The following AP4B1 variants were observed in gnomAD, a reference collection of about 807,000 sequenced individuals.
AP4B1 encodes adaptor related protein complex 4 subunit beta 1.
A neutral mutation model predicts 76.5 loss-of-function variants in AP4B1; 49 were observed. The ratio of observed to expected loss-of-function variants is 0.64; its 90% confidence interval spans 0.51 to 0.81. The LOEUF (loss-of-function observed/expected upper bound fraction) is 0.81, where lower values mean the gene tolerates loss of function less well. Among genes scored for constraint, AP4B1 ranks in the 40% least tolerant of loss-of-function variants. The pLI is 0.00. For missense variants in AP4B1, 911 were observed against 904.9 expected (o/e 1.01, Z -0.09); for synonymous variants, 330 against 333.3 (o/e 0.99, Z 0.11).
chr1:113,903,245 T>C lies in AP4B1; in HGVS notation c.114-383A>G, dbSNP rs192332220. ...CACGCCCAGCTAATTTTTGTATTTT[T>C]AGTAGAGACGGGGTTTCTCCATGTT... is the stretch of plus-strand genomic sequence containing the variant. On this transcript the variant is annotated intron_variant, in intron 1 of 9. Coordinates refer to ENST00000369569, the MANE Select transcript of AP4B1 (RefSeq NM_001253852.3). Among the ~76,000 whole-genome samples, 974 of 152,324 alleles carry C rather than the reference T, an allele frequency of 6.4e-3. 11 individuals are homozygous for C. The highest frequency in any genetic ancestry group is 0.022 in the African/African-American group (919 of 41,572).
In AP4B1 at chr1:113,898,627, T is replaced by C. The variant is rs1253843692; in HGVS notation, c.1198+91A>G. 4.2e-6 allele frequency: 4 copies of C among 948,174 alleles called. No homozygotes were observed. The African/African-American group carries it at 6.4e-5, about 15-fold the overall frequency. The allele number at this position is 948,174 out of a possible 1,614,324, so 58.7% of individuals were successfully genotyped here. A position where few individuals can be genotyped will look rare whatever the true frequency, so the allele number is the denominator to read the frequency against. ...GCAAGGAAAAGTTCAAATCTCTATA[T>C]TACTCATTCAACAACAAACATGTTT... On this transcript the variant is annotated intron_variant, in intron 6 of 9. Coordinates refer to ENST00000369569, the MANE Select transcript of AP4B1 (RefSeq NM_001253852.3).
intron 7 of AP4B1, 82 bp downstream of exon 7, chr1:113,897,758 G>C: frequency 1.4e-6 from 2 of 1,452,006 alleles, no homozygotes; most frequent in East Asian, 2.3e-5. Flanking sequence ...ACAGGGTAGA[G>C]AGAATAATTA....
chr1:113,900,735 A>G (rs1426253540), intron 4 of AP4B1: 6 of 342,142 alleles, frequency 1.8e-5, no homozygotes, highest in South Asian at 3.5e-5. Context: ...TTCCCACAGT[A>G]TATTTCTATT....
intron 5 of AP4B1, 195 bp from the exon 6 acceptor site, chr1:113,898,996 C>T: frequency 2.9e-6 from 3 of 1,024,386 alleles, no homozygotes; most frequent in Non-Finnish European, 2.7e-6. Context: ...ATCATTTTTT[C>T]TCACTGACTA....
At chr1:113,901,681 C>T (rs1668283215) in intron 3 of AP4B1, 74 bp downstream of exon 3, 4 of 1,591,494 alleles carry the variant, frequency 2.5e-6, no homozygotes, top group Admixed American at 1.7e-5. Flanking sequence ...TATTTTCTAC[C>T]AAAGCCACAC....
rs559212401 is a variant in AP4B1, at chr1:113,901,692, A to G, written c.469+63T>C. 1.9e-6 allele frequency: 3 copies of G among 1,604,964 alleles called. No individual in the cohort carries two copies. In the East Asian group the frequency reaches 6.7e-5, roughly 36 times the overall value. On this transcript the variant is annotated intron_variant, in intron 3 of 9. Coordinates refer to ENST00000369569, the MANE Select transcript of AP4B1 (RefSeq NM_001253852.3). ...TTATTATTTTCTACCAAAGCCACAC[A>G]ATCTTTTTTAAAGTTATACATAATG...
intron 4 of AP4B1, chr1:113,900,648 G>C (rs998595083): frequency 1.8e-6 from 1 of 545,072 alleles, no homozygotes; most frequent in Admixed American, 3.5e-5. Context: ...AGCATACACT[G>C]GGTCCAGGTT....
At chr1:113,900,438 C>A (rs1405509468) in intron 4 of AP4B1, 38 bp from the exon 5 acceptor site, 1 of 1,611,052 alleles carries the variant, frequency 6.2e-7, no homozygotes, top group African/African-American at 1.3e-5. Flanking sequence ...ATTTTAGCAA[C>A]AAAATTAGGA....
rs1405003291 is a variant in AP4B1, at chr1:113,896,257, C to T, written c.1510+1G>A. The T allele has an allele frequency of 6.2e-7, 1 of 1,614,048 alleles. No individual in the cohort carries two copies. The highest frequency in any genetic ancestry group is 2.2e-5 in the East Asian group (1 of 44,896). ...ATACTATTTCCTTCTGAAAAACCCA[C>T]CTATGCAGTAATACAACAAACGTCC... On this transcript the variant is annotated splice_donor_variant, in intron 8 of 9. Transcript: ENST00000369569. LOFTEE classifies it high-confidence loss of function.
At chr1:113,896,237 A>G (rs1387645612) in intron 8 of AP4B1, 21 bp downstream of exon 8, 1 of 1,613,382 alleles carries the variant, frequency 6.2e-7, no homozygotes, top group Admixed American at 1.7e-5. Context: ...GGCAAATACT[A>G]TTTCCTTCTG....
chr1:113,895,632 T>G, intron 9 of AP4B1, 125 bp downstream of exon 9: 3 of 1,532,100 alleles, frequency 2.0e-6, no homozygotes, highest in Non-Finnish European at 2.7e-6. Context: ...ACCTCTTTCT[T>G]GCTCACAAAT....
intron 5 of AP4B1, 24 bp downstream of exon 5, chr1:113,899,877 CAAG>C: frequency 1.2e-6 from 2 of 1,614,062 alleles, no homozygotes; most frequent in Non-Finnish European, 1.7e-6. Context: ...TCTAGGTTCT[CAAG>C]AAGGAAAAGG....
At chr1:113,903,013 G>A (rs1668488127) in intron 1 of AP4B1, 151 bp from the exon 2 acceptor site, 2 of 708,758 alleles carry the variant, frequency 2.8e-6, no homozygotes, top group African/African-American at 3.5e-5. Flanking sequence ...ATATCACACA[G>A]TACTTCATAC....
At position 113,895,297 on chromosome 1, in the gene AP4B1, A is replaced by G. The variant is rs773723766; in HGVS notation, c.1988T>C (p.Val663Ala). 2.5e-6 allele frequency: 4 copies of G among 1,614,054 alleles called. No individual in the cohort carries two copies. In the African/African-American group the frequency reaches 5.3e-5, roughly 22 times the overall value. ...HPDTLQMALQVVNIQTIAMSR... is the reference protein window; with the variant it reads ...HPDTLQMALQAVNIQTIAMSR... The stretch of plus-strand genomic sequence containing the variant: ...CATTGCGATGGTCTGGATGTTCACT[A>G]CTTGAAGAGCCATCTGGAGGGTGTC... The change falls in exon 10 of 10, where the codon GTA becomes GCA. Residue 663 changes from valine to alanine, a missense_variant. Physicochemically the swap from Val to Ala is moderately conservative, Grantham distance 64. Coordinates refer to ENST00000369569, the MANE Select transcript of AP4B1 (RefSeq NM_001253852.3).
chr1:113,895,367 C>T lies in AP4B1; in HGVS notation c.1918G>A (p.Val640Ile). 6.2e-7 allele frequency: 1 copy of T among 1,614,178 alleles called. No individual in the cohort carries two copies. The highest frequency in any genetic ancestry group is 1.1e-5 in the South Asian group (1 of 91,090). Residue 640 changes from valine (V) to isoleucine (I), a missense_variant, in exon 10 of 10, where the codon GTT (valine) becomes ATT (isoleucine). Val to Ile is a conservative substitution (Grantham distance 29). Coordinates refer to ENST00000369569, the MANE Select transcript of AP4B1 (RefSeq NM_001253852.3). ...CAAGGCAACACTTGCTGATGAGCAA[C>T]TTTAAGGCTAAGCCAAGTTTTCTCA... ...YFEKTWLSLK[V>I]AHQQVLPWRG...
chr1:113,904,586 G>A lies in AP4B1; in HGVS notation c.113+19C>T. Reference sequence around the variant, plus strand: ...ATTGCAAAGGGAGCAGTTAGCACGCGAAGGGAGGTAGGTGATACCTAATCA... The same window carrying A: ...ATTGCAAAGGGAGCAGTTAGCACGCAAAGGGAGGTAGGTGATACCTAATCA... On this transcript the variant is annotated intron_variant, in intron 1 of 9. Coordinates refer to ENST00000369569, the MANE Select transcript of AP4B1 (RefSeq NM_001253852.3). 1 of 1,611,172 alleles carries A rather than the reference G, an allele frequency of 6.2e-7. No individual in the cohort carries two copies. The highest frequency in any genetic ancestry group is 8.5e-7 in the Non-Finnish European group (1 of 1,177,434).
Position 113,894,962 on chromosome 1 carries a change from C to T in AP4B1, c.*103G>A, listed in dbSNP as rs776274646. The T allele has an allele frequency of 7.8e-7, 1 of 1,273,954 alleles. No individual in the cohort carries two copies. The highest frequency in any genetic ancestry group is 1.1e-6 in the Non-Finnish European group (1 of 918,476). The allele number at this position is 1,273,954 out of a possible 1,614,324, so 78.9% of individuals were successfully genotyped here. On this transcript the variant is annotated 3_prime_UTR_variant, in exon 10 of 10. Transcript: ENST00000369569. ...TCCTGATTTCTAGATTTTCCACTCT[C>T]CTTTGTATCTGATATTATCTGGACT...
In AP4B1 at chr1:113,894,366, TA is replaced by T. The variant is rs1667259299; in HGVS notation, c.*698del. 6.6e-6 allele frequency among the ~76,000 whole-genome samples: 1 copy of T among 152,206 alleles called. No homozygotes were observed. Among genetic ancestry groups the T allele is most frequent in the African/African-American group, 2.4e-5 (1 of 41,454 alleles). On this transcript the variant is annotated 3_prime_UTR_variant, in exon 10 of 10. Transcript: ENST00000369569. ...ACTTTGATAGCTTGAGGGAGGCCCCTAATGAAGGCAGTGAGGGTTAAAGGAA... is the reference window on the plus strand; with the variant it reads ...ACTTTGATAGCTTGAGGGAGGCCCCTATGAAGGCAGTGAGGGTTAAAGGAA...
At chr1:113,903,782 A>G (rs1035194209) in intron 1 of AP4B1, among the ~76,000 whole-genome samples, 2 of 152,212 alleles carry the variant, frequency 1.3e-5, no homozygotes, top group Non-Finnish European at 2.9e-5. Flanking sequence ...GGGTGCTGTG[A>G]TAAGTTTGGA....
Sources: gnomAD v4.1 joint callset for allele counts (sites outside exome capture counted in the v4.1 genomes callset) on GRCh38, gnomAD v4.1.1 for gene constraint, MANE v1.5 for transcripts, NCBI Gene and HGNC (gene_info 2026-07-23, HGNC 2026-07-21) for gene names.